The following GTF2F2 variants were observed in gnomAD, a reference collection of about 807,000 sequenced individuals.
GTF2F2 encodes the protein ATP-dependent helicase GTF2F2.
A neutral mutation model predicts 42.2 loss-of-function variants in GTF2F2; 23 were observed. The observed-to-expected ratio is 0.55, with a 90% CI of 0.39 to 0.77. GTF2F2 has a LOEUF of 0.77. GTF2F2 is among the 30% of genes least tolerant of loss of function. GTF2F2 has a pLI of 0.00. For missense variants in GTF2F2, 261 were observed against 287.2 expected (o/e 0.91, Z 0.66); for synonymous variants, 105 against 100.8 (o/e 1.04, Z -0.25).
intron 7 of GTF2F2, among the ~76,000 whole-genome samples, chr13:45,269,828 G>A (rs1385110422): frequency 6.6e-6 from 1 of 152,116 alleles, no homozygotes; most frequent in East Asian, 1.9e-4. Flanking sequence ...TGGGGGTGGG[G>A]TGTTTTGTTT....
chr13:45,249,006 C>T (rs371112492), intron 5 of GTF2F2, among the ~76,000 whole-genome samples: 8 of 152,070 alleles, frequency 5.3e-5, no homozygotes, highest in Admixed American at 2.0e-4. Flanking sequence ...TGGTGCTTTA[C>T]GAACCACATA....
chr13:45,249,253 T>C (rs1875773278), intron 5 of GTF2F2, among the ~76,000 whole-genome samples: 1 of 152,258 alleles, frequency 6.6e-6, no homozygotes, highest in Non-Finnish European at 1.5e-5. Flanking sequence ...TTCTTTGTTA[T>C]ATTTTCAGTT....
chr13:45,211,373 TG>T (rs895853711), intron 5 of GTF2F2, among the ~76,000 whole-genome samples: 3 of 143,746 alleles, frequency 2.1e-5, no homozygotes, highest in South Asian at 4.3e-4. Context: ...AAATTTTTTT[TG>T]TTTTTTTTTT....
intron 7 of GTF2F2, among the ~76,000 whole-genome samples, chr13:45,273,235 C>A (rs886321565): frequency 1.3e-5 from 2 of 151,806 alleles, no homozygotes; most frequent in African/African-American, 4.8e-5. Flanking sequence ...CCACACCTGG[C>A]TAATTTTTTA....
chr13:45,274,434 C>A (rs1192797258), intron 7 of GTF2F2, among the ~76,000 whole-genome samples: 1 of 145,156 alleles, frequency 6.9e-6, no homozygotes, highest in Non-Finnish European at 1.5e-5. Context: ...TCAGGCAATT[C>A]TCCTGCCTCA....
At chr13:45,143,797 A>G (rs533312859) in intron 2 of GTF2F2, among the ~76,000 whole-genome samples, 2 of 152,208 alleles carry the variant, frequency 1.3e-5, no homozygotes, top group African/African-American at 4.8e-5. Flanking sequence ...CGAAAAAAGG[A>G]GAGTCCAGTT....
At chr13:45,281,608 A>G (rs548796750) in intron 7 of GTF2F2, among the ~76,000 whole-genome samples, 7 of 152,352 alleles carry the variant, frequency 4.6e-5, no homozygotes, top group South Asian at 2.1e-4. Flanking sequence ...TCCTGGGCCT[A>G]GCCCAAGAGA....
chr13:45,254,600 G>T (rs1876022496), intron 6 of GTF2F2, among the ~76,000 whole-genome samples: 2 of 152,176 alleles, frequency 1.3e-5, no homozygotes, highest in African/African-American at 4.8e-5. Context: ...AGGTGGTGCA[G>T]CCAGTAATTT....
Position 45,194,048 on chromosome 13 carries a change from G to T in GTF2F2, c.305-13376G>T, listed in dbSNP as rs762666968. On this transcript the variant is annotated intron_variant, in intron 4 of 7. Transcript: ENST00000340473. ...CCATCCAGCCTGCTTTTGGACACCA[G>T]AACAATGCGAGACTTTATTTTTGAT... is the stretch of plus-strand genomic sequence containing the variant. 11 of 1,613,984 alleles carry T rather than the reference G, an allele frequency of 6.8e-6. No individual in the cohort carries two copies. In the Admixed American group the frequency reaches 1.8e-4, roughly 27 times the overall value.
intron 5 of GTF2F2, among the ~76,000 whole-genome samples, chr13:45,239,644 G>T (rs993825622): frequency 6.6e-6 from 1 of 152,232 alleles, no homozygotes; most frequent in Non-Finnish European, 1.5e-5. Flanking sequence ...CCCTCACTGG[G>T]CATAGGCCCT....
intron 4 of GTF2F2, chr13:45,194,501 C>G (rs1008648305): frequency 7.4e-6 from 12 of 1,614,146 alleles, no homozygotes; most frequent in Non-Finnish European, 1.0e-5. Context: ...TGATCAGTAT[C>G]TTCCAGGCTG....
chr13:45,241,523 G>A (rs966179542), intron 5 of GTF2F2, among the ~76,000 whole-genome samples: 1 of 152,068 alleles, frequency 6.6e-6, no homozygotes, highest in African/African-American at 2.4e-5. Context: ...TGTGGCTAGT[G>A]TCCTTGAGGA....
intron 5 of GTF2F2, among the ~76,000 whole-genome samples, chr13:45,230,869 G>A (rs1265315053): frequency 2.0e-5 from 3 of 152,038 alleles, no homozygotes; most frequent in South Asian, 4.1e-4. Context: ...AAATTCATAA[G>A]GATAAGACAG....
At chr13:45,247,888 A>G (rs2138242357) in intron 5 of GTF2F2, among the ~76,000 whole-genome samples, 1 of 152,264 alleles carries the variant, frequency 6.6e-6, no homozygotes, top group Admixed American at 6.5e-5. Context: ...TCTGTTGCCC[A>G]GGCATGAGTG....
At chr13:45,164,130 A>G (rs1163885211) in intron 4 of GTF2F2, among the ~76,000 whole-genome samples, 1 of 152,196 alleles carries the variant, frequency 6.6e-6, no homozygotes, top group Non-Finnish European at 1.5e-5. Context: ...AAATACAAAA[A>G]TTAGTCCAGC....
At chr13:45,200,617 A>G (rs987266930) in intron 4 of GTF2F2, among the ~76,000 whole-genome samples, 1 of 152,198 alleles carries the variant, frequency 6.6e-6, no homozygotes, top group African/African-American at 2.4e-5. Flanking sequence ...TCAAATAGAG[A>G]TCAGAATATT....
intron 5 of GTF2F2, among the ~76,000 whole-genome samples, chr13:45,211,970 C>G (rs756921086): frequency 1.3e-4 from 20 of 151,842 alleles, no homozygotes; most frequent in Non-Finnish European, 2.8e-4. Context: ...CACACACACA[C>G]GCACACACAC....
At position 45,189,095 on chromosome 13, in the gene GTF2F2, C is replaced by G. The variant is rs147027251; in HGVS notation, c.305-18329C>G. 2.5e-3 allele frequency among the ~76,000 whole-genome samples: 375 copies of G among 152,174 alleles called. 2 individuals carry two copies. The highest frequency in any genetic ancestry group is 4.2e-3 in the Non-Finnish European group (286 of 68,000). ...AGGCCCCAGTGTGTGATGTTCCCCT[C>G]CCTGTGTCCAAGTGTTCTCATTGTT... On this transcript the variant is annotated intron_variant, in intron 4 of 7. Transcript: ENST00000340473.
At chr13:45,212,534 CT>C (rs1215146938) in intron 5 of GTF2F2, among the ~76,000 whole-genome samples, 1 of 98,294 alleles carries the variant, frequency 1.0e-5, no homozygotes. Context: ...TTCTCTCTTT[CT>C]CACTTTCTCT....
Sources: gnomAD v4.1 joint callset for allele counts (sites outside exome capture counted in the v4.1 genomes callset) on GRCh38, gnomAD v4.1.1 for gene constraint, MANE v1.5 for transcripts, NCBI Gene and HGNC (gene_info 2026-07-23, HGNC 2026-07-21) for gene names.